Variants in CTNND2 observed in about 807,000 individuals in gnomAD.
CTNND2 encodes catenin delta 2.
Under a neutral mutation model 144.4 loss-of-function variants are expected in CTNND2, and 22 were observed. That is an observed-to-expected ratio of 0.15 (90% CI 0.11 to 0.22). The LOEUF is 0.22. Among genes scored for constraint, CTNND2 ranks in the 10% least tolerant of loss-of-function variants. The pLI, the probability that CTNND2 is intolerant of heterozygous loss-of-function variation, is 1.00. For missense variants in CTNND2, 1,353 were observed against 1,618.8 expected, an observed-to-expected ratio of 0.84 and a Z score of 2.82; for synonymous variants, 751 against 695.6, an observed-to-expected ratio of 1.08 and a Z score of -1.25.
chr5:11,083,263 A>G (rs571032930), intron 15 of CTNND2, among the ~76,000 whole-genome samples: 1 of 152,354 alleles, frequency 6.6e-6, no homozygotes, highest in South Asian at 2.1e-4. Context: ...ATTTCTCAAG[A>G]CAGCTTTGAA....
intron 10 of CTNND2, among the ~76,000 whole-genome samples, chr5:11,224,195 T>C (rs780869921): frequency 5.9e-5 from 9 of 152,154 alleles, no homozygotes; most frequent in Non-Finnish European, 1.0e-4. Flanking sequence ...TATTATCTCC[T>C]CCACTGAGGA....
intron 9 of CTNND2, among the ~76,000 whole-genome samples, chr5:11,301,792 T>C (rs28221): frequency 0.8 from 121,872 of 152,236 alleles, 49,103 homozygotes; most frequent in Middle Eastern, 0.9. Context: ...AGAAATTCTG[T>C]TCTTTTTTGC....
chr5:11,039,597 G>A (rs541723962), intron 16 of CTNND2, among the ~76,000 whole-genome samples: 1 of 152,230 alleles, frequency 6.6e-6, no homozygotes, highest in African/African-American at 2.4e-5. Context: ...TCTGCCTGTT[G>A]TTTTAATTGA....
At chr5:11,588,653 G>C in intron 2 of CTNND2, 1 of 659,474 alleles carries the variant, frequency 1.5e-6, no homozygotes, top group Non-Finnish European at 1.9e-6. Context: ...TAAAACTTTA[G>C]TTAAAATTAT....
chr5:11,371,459 G>T (rs1312062496), intron 7 of CTNND2, among the ~76,000 whole-genome samples: 1 of 152,180 alleles, frequency 6.6e-6, no homozygotes, highest in African/African-American at 2.4e-5. Flanking sequence ...GGCACATTAA[G>T]AAAGGTGTGC....
At chr5:11,415,234 A>G (rs551582741) in intron 3 of CTNND2, among the ~76,000 whole-genome samples, 1 of 151,472 alleles carries the variant, frequency 6.6e-6, no homozygotes, top group African/African-American at 2.4e-5. Context: ...TTTCTCCTCA[A>G]CCTCTCCAGC....
intron 8 of CTNND2, among the ~76,000 whole-genome samples, chr5:11,354,694 T>G (rs1755681478): frequency 6.6e-6 from 1 of 152,088 alleles, no homozygotes; most frequent in Non-Finnish European, 1.5e-5. Flanking sequence ...GGACAAATTA[T>G]CCAGACAGAA....
chr5:11,640,341 G>A (rs1167600347), intron 2 of CTNND2, among the ~76,000 whole-genome samples: 1 of 152,172 alleles, frequency 6.6e-6, no homozygotes, highest in Non-Finnish European at 1.5e-5. Flanking sequence ...CTTATGCAAG[G>A]TTCACTGAAT....
At chr5:11,363,907 G>A (rs1353237226) in intron 8 of CTNND2, among the ~76,000 whole-genome samples, 1 of 152,188 alleles carries the variant, frequency 6.6e-6, no homozygotes, top group Non-Finnish European at 1.5e-5. Flanking sequence ...TGTACTGTCT[G>A]CAGACCAGCA....
chr5:11,385,105 GCGGGCGGCGCGT>G lies in CTNND2; in HGVS notation c.725_736del (p.Asp242_Pro245del). On this transcript the variant is annotated inframe_deletion, in exon 7 of 22. Transcript: ENST00000304623. ...GTAGTAGAGCGCGGCGGCGGCGGCG[GCGGGCGGCGCGT>G]CGGGCAGGTGGAAGGCGCTGCCCAG... The G allele has an allele frequency of 1.9e-6, 2 of 1,030,870 alleles. No homozygotes were observed. Among genetic ancestry groups the G allele is most frequent in the South Asian group, 4.0e-5 (1 of 25,302 alleles). The allele number at this position is 1,030,870 out of a possible 1,614,324, so 63.9% of individuals were successfully genotyped here. A position where few individuals can be genotyped will look rare whatever the true frequency, so the allele number is the denominator to read the frequency against.
chr5:11,464,677 GAT>G (rs1766504083), intron 3 of CTNND2, among the ~76,000 whole-genome samples: 1 of 152,180 alleles, frequency 6.6e-6, no homozygotes, highest in Admixed American at 6.5e-5. Flanking sequence ...ATGGGGCAGA[GAT>G]ATACAGGTGA....
chr5:11,309,057 C>T (rs930735936), intron 9 of CTNND2, among the ~76,000 whole-genome samples: 15 of 152,200 alleles, frequency 9.9e-5, no homozygotes, highest in African/African-American at 3.6e-4. Context: ...CCAATCACCT[C>T]TCACCAGTCC....
Position 11,385,089 on chromosome 5 carries a change from C to T in CTNND2, c.753G>A (p.Ala251=). Residue 251 remains alanine (A), a synonymous_variant, in exon 7 of 22, where the codon GCG becomes GCA. Coordinates refer to ENST00000304623, the MANE Select transcript of CTNND2 (RefSeq NM_001332.4). ...GCAGCGTGGAGCTGGAGTAGTAGAGCGCGGCGGCGGCGGCGGCGGGCGGCG... is the reference window on the plus strand; with the variant it reads ...GCAGCGTGGAGCTGGAGTAGTAGAGTGCGGCGGCGGCGGCGGCGGGCGGCG... The part of the protein sequence containing the change: ...PDAPPAAAAA[A]LYYSSSTLPA... The T allele has an allele frequency of 5.7e-6, 6 of 1,054,268 alleles. No individual in the cohort carries two copies. The highest frequency in any genetic ancestry group is 6.8e-6 in the Non-Finnish European group (6 of 877,774). The allele number at this position is 1,054,268 out of a possible 1,614,324, so 65.3% of individuals were successfully genotyped here.
intron 6 of CTNND2, among the ~76,000 whole-genome samples, chr5:11,385,508 C>T (rs921350417): frequency 6.6e-6 from 1 of 152,156 alleles, no homozygotes; most frequent in Non-Finnish European, 1.5e-5. Flanking sequence ...GATGTTATTT[C>T]GGAAATAGCA....
intron 2 of CTNND2, among the ~76,000 whole-genome samples, chr5:11,674,081 T>G (rs1465907170): frequency 6.6e-6 from 1 of 152,078 alleles, no homozygotes; most frequent in East Asian, 1.9e-4. Flanking sequence ...ATGTAGTGAG[T>G]TTTTTATTCC....
chr5:11,650,069 C>A (rs1782567190), intron 2 of CTNND2, among the ~76,000 whole-genome samples: 1 of 152,108 alleles, frequency 6.6e-6, no homozygotes, highest in Non-Finnish European at 1.5e-5. Context: ...GTGTCCCCAC[C>A]CAAATCTCTT....
intron 2 of CTNND2, among the ~76,000 whole-genome samples, chr5:11,594,813 A>C (rs577108452): frequency 6.6e-6 from 1 of 152,226 alleles, no homozygotes; most frequent in Non-Finnish European, 1.5e-5. Context: ...AACATGAAAT[A>C]GGTGACTTGG....
At chr5:11,317,689 A>T (rs1203933566) in intron 9 of CTNND2, among the ~76,000 whole-genome samples, 1 of 151,552 alleles carries the variant, frequency 6.6e-6, no homozygotes, top group Non-Finnish European at 1.5e-5. Context: ...TTCAAATACT[A>T]TTTTTTTTTA....
intron 9 of CTNND2, among the ~76,000 whole-genome samples, chr5:11,311,981 A>G (rs908366934): frequency 1.5e-5 from 2 of 133,384 alleles, no homozygotes; most frequent in Non-Finnish European, 3.2e-5. Flanking sequence ...ACACCCACAC[A>G]CTACCCATAT....
Sources: allele counts gnomAD v4.1 joint callset (sites outside exome capture counted in the v4.1 genomes callset), GRCh38; gene constraint gnomAD v4.1.1; transcripts MANE v1.5; gene names NCBI Gene and HGNC (gene_info 2026-07-23, HGNC 2026-07-21).